SPATA13: variants seen among roughly 807,000 people sequenced by gnomAD.
The protein encoded by SPATA13 is spermatogenesis-associated protein 13.
SPATA13 carries 50 observed loss-of-function variants against 104.0 expected under a neutral mutation model. That is an observed-to-expected ratio of 0.48 (90% CI 0.38 to 0.61). The LOEUF is 0.61. Among genes scored for constraint, SPATA13 ranks in the 20% least tolerant of loss-of-function variants. The pLI, the probability that SPATA13 is intolerant of heterozygous loss-of-function variation, is 0.00. For synonymous variants in SPATA13, 606 were observed against 667.5 expected (o/e 0.91, Z 1.42); for missense variants, 1,524 against 1,690.6 (o/e 0.90, Z 1.73).
At chr13:24,232,724 T>C (rs1424447146) in intron 2 of SPATA13, among the ~76,000 whole-genome samples, 4 of 152,158 alleles carry the variant, frequency 2.6e-5, no homozygotes, top group Non-Finnish European at 5.9e-5. Flanking sequence ...ACTTTTTGTA[T>C]TTTTTGTAGA....
chr13:24,277,230 G>C (rs1405630625), intron 4 of SPATA13, among the ~76,000 whole-genome samples: 1 of 152,066 alleles, frequency 6.6e-6, no homozygotes, highest in Non-Finnish European at 1.5e-5. Context: ...GGATCACAAG[G>C]TCAGGAGATC....
chr13:24,091,902 T>G (rs918056725), intron 3 of SPATA13, among the ~76,000 whole-genome samples: 1 of 152,162 alleles, frequency 6.6e-6, no homozygotes, highest in African/African-American at 2.4e-5. Context: ...GCCCCTCTCA[T>G]GGCTGCTAGG....
intron 2 of SPATA13, among the ~76,000 whole-genome samples, chr13:24,013,854 T>A (rs1344166675): frequency 6.6e-6 from 1 of 151,984 alleles, no homozygotes; most frequent in Non-Finnish European, 1.5e-5. Context: ...CATGAGAAAA[T>A]CAGAGCTCAG....
intron 1 of SPATA13, among the ~76,000 whole-genome samples, chr13:24,172,949 C>T (rs1406292569): frequency 1.3e-5 from 2 of 152,168 alleles, no homozygotes; most frequent in Non-Finnish European, 2.9e-5. Flanking sequence ...TGTGTCTCTT[C>T]ATTTATTTTA....
chr13:24,135,096 A>C (rs1336072464), intron 3 of SPATA13, among the ~76,000 whole-genome samples: 3 of 152,198 alleles, frequency 2.0e-5, no homozygotes, highest in African/African-American at 7.2e-5. Context: ...CAGCCCTGCC[A>C]ATGCCTTGAT....
intron 3 of SPATA13, among the ~76,000 whole-genome samples, chr13:24,040,014 A>G (rs759562207): frequency 1.3e-5 from 2 of 152,210 alleles, no homozygotes; most frequent in Non-Finnish European, 2.9e-5. Flanking sequence ...GAAGCCGGGC[A>G]ATGTTTGGCC....
At chr13:24,110,515 C>T (rs1880604689) in intron 3 of SPATA13, among the ~76,000 whole-genome samples, 1 of 152,198 alleles carries the variant, frequency 6.6e-6, no homozygotes. Context: ...CTTGAATCTG[C>T]ATCAGCCCCC....
At chr13:24,142,672 T>TTCTTCCTCTTCCTCTTCCTCTTCC (rs542586258) in intron 3 of SPATA13, among the ~76,000 whole-genome samples, 1 of 152,148 alleles carries the variant, frequency 6.6e-6, no homozygotes, top group Non-Finnish European at 1.5e-5. Flanking sequence ...TTCCTCATCC[T>TTCTTCCTCTTCCTCTTCCTCTTCC]TCTTCCTCTT....
At chr13:24,132,145 C>T (rs1256482716) in intron 3 of SPATA13, among the ~76,000 whole-genome samples, 1 of 152,220 alleles carries the variant, frequency 6.6e-6, no homozygotes, top group African/African-American at 2.4e-5. Context: ...AGCTGGAATG[C>T]AGAAGTAGGA....
intron 1 of SPATA13, among the ~76,000 whole-genome samples, chr13:24,183,716 A>C (rs758625601): frequency 6.6e-6 from 1 of 151,590 alleles, no homozygotes; most frequent in African/African-American, 2.4e-5. Context: ...AAAAGATTGG[A>C]CACCCCTGCT....
At chr13:24,005,740 G>T (rs1034889154) in intron 2 of SPATA13, among the ~76,000 whole-genome samples, 2 of 152,186 alleles carry the variant, frequency 1.3e-5, no homozygotes, top group Non-Finnish European at 2.9e-5. Flanking sequence ...TCTGAGGAAT[G>T]CATGTGCTTT....
intron 3 of SPATA13, among the ~76,000 whole-genome samples, chr13:24,145,745 C>T (rs895502411): frequency 5.9e-5 from 9 of 152,148 alleles, no homozygotes; most frequent in South Asian, 2.1e-4. Flanking sequence ...AAATAGAGAA[C>T]GGCTAATTTT....
chr13:24,271,023 T>TCTCTCTCTCTCTCTCTCTCA, intron 4 of SPATA13: 2 of 373,716 alleles, frequency 5.4e-6, no homozygotes, highest in Non-Finnish European at 9.8e-6. Context: ...TCTCTCTCAC[T>TCTCTCTCTCTCTCTCTCTCA]CTCTCTCTCT....
At chr13:24,184,249 A>G (rs1195323400) in intron 1 of SPATA13, among the ~76,000 whole-genome samples, 1 of 152,216 alleles carries the variant, frequency 6.6e-6, no homozygotes, top group African/African-American at 2.4e-5. Flanking sequence ...AATTCCATAC[A>G]GAAAATTCTC....
At chr13:24,297,100 G>A (rs144214302) in intron 10 of SPATA13, among the ~76,000 whole-genome samples, 129 of 152,152 alleles carry the variant, frequency 8.5e-4, no homozygotes, top group Admixed American at 1.2e-3. Context: ...GTGTACTGGC[G>A]TGATCACCAT....
intron 1 of SPATA13, among the ~76,000 whole-genome samples, chr13:24,190,132 C>T (rs193151661): frequency 0.02 from 30 of 1,464 alleles, 9 homozygotes; most frequent in South Asian, 0.5. Context: ...TAATAATATA[C>T]AATATATATT....
chr13:24,236,407 A>G (rs1009294399), intron 2 of SPATA13, among the ~76,000 whole-genome samples: 25 of 152,104 alleles, frequency 1.6e-4, no homozygotes, highest in African/African-American at 6.0e-4. Flanking sequence ...CCTGGACAAC[A>G]TGGTGAAACC....
At chr13:24,057,602 T>C (rs1483350867) in intron 3 of SPATA13, among the ~76,000 whole-genome samples, 2 of 152,002 alleles carry the variant, frequency 1.3e-5, no homozygotes, top group African/African-American at 4.8e-5. Context: ...GGGCATAAAC[T>C]CTACTTCTTT....
At chr13:24,198,647 T>C (rs1870225654) in intron 1 of SPATA13, among the ~76,000 whole-genome samples, 1 of 152,242 alleles carries the variant, frequency 6.6e-6, no homozygotes, top group South Asian at 2.1e-4. Context: ...AAACTCTATG[T>C]ATGTTCAAGC....
Sources: allele counts gnomAD v4.1 joint callset (sites outside exome capture counted in the v4.1 genomes callset), GRCh38; gene constraint gnomAD v4.1.1; transcripts MANE v1.5; gene names NCBI Gene and HGNC (gene_info 2026-07-23, HGNC 2026-07-21).